The following AGBL4 variants were observed in gnomAD, a reference collection of about 807,000 sequenced individuals.
AGBL4 encodes the protein cytosolic carboxypeptidase 6.
AGBL4 carries 58 observed loss-of-function variants against 66.4 expected under a neutral mutation model. That is an observed-to-expected ratio of 0.87 (90% CI 0.71 to 1.09). The LOEUF (loss-of-function observed/expected upper bound fraction) is 1.09, where lower values mean the gene tolerates loss of function less well. Among genes scored for constraint, AGBL4 ranks in the 50% least tolerant of loss-of-function variants. The probability of loss-of-function intolerance (pLI) is 0.00; values close to 1 mark genes in which losing one functional copy is unlikely to be tolerated. For synonymous variants in AGBL4, 234 were observed against 222.9 expected (o/e 1.05, Z -0.44); for missense variants, 579 against 631.0 (o/e 0.92, Z 0.88).
chr1:49,053,731 G>A (rs954896862), intron 4 of AGBL4, among the ~76,000 whole-genome samples: 2 of 151,922 alleles, frequency 1.3e-5, no homozygotes, highest in Admixed American at 6.6e-5. Flanking sequence ...CCTTTTATCC[G>A]CAATGAGCTC....
chr1:49,830,942 C>A (rs146563956), intron 2 of AGBL4, among the ~76,000 whole-genome samples: 2 of 152,034 alleles, frequency 1.3e-5, no homozygotes, highest in East Asian at 3.9e-4. Flanking sequence ...ATTTCTGAGG[C>A]CTCTGTTCTG....
chr1:49,588,372 A>G (rs998903515), intron 3 of AGBL4, among the ~76,000 whole-genome samples: 3 of 152,204 alleles, frequency 2.0e-5, no homozygotes, highest in African/African-American at 7.2e-5. Flanking sequence ...AATCCGTCTC[A>G]TTCATTGTTG....
intron 3 of AGBL4, among the ~76,000 whole-genome samples, chr1:49,327,447 T>C (rs1345648676): frequency 2.0e-5 from 3 of 152,192 alleles, no homozygotes; most frequent in Non-Finnish European, 4.4e-5. Context: ...AATCAGAGAC[T>C]GGGTAATTTA....
chr1:48,671,515 T>C (rs1444228007), intron 6 of AGBL4, among the ~76,000 whole-genome samples: 3 of 152,240 alleles, frequency 2.0e-5, no homozygotes, highest in African/African-American at 7.2e-5. Flanking sequence ...GGTACGTATG[T>C]GACTTTGAGC....
At chr1:49,745,868 A>T (rs1040328069) in intron 2 of AGBL4, among the ~76,000 whole-genome samples, 5 of 151,966 alleles carry the variant, frequency 3.3e-5, no homozygotes, top group African/African-American at 1.2e-4. Flanking sequence ...AAACAACAAA[A>T]AAACCCAACT....
chr1:49,516,064 G>GCCC (rs201715072), intron 3 of AGBL4, among the ~76,000 whole-genome samples: 22 of 146,312 alleles, frequency 1.5e-4, no homozygotes, highest in African/African-American at 5.5e-4. Context: ...AATCAAGACT[G>GCCC]CCCCCCCCCA....
chr1:49,476,645 A>G (rs1379439017), intron 3 of AGBL4, among the ~76,000 whole-genome samples: 1 of 152,090 alleles, frequency 6.6e-6, no homozygotes, highest in African/African-American at 2.4e-5. Context: ...TGAACACATT[A>G]TCATTATATA....
intron 6 of AGBL4, among the ~76,000 whole-genome samples, chr1:48,724,181 CCT>C (rs369692105): frequency 1.1e-4 from 17 of 152,148 alleles, no homozygotes; most frequent in Non-Finnish European, 2.1e-4. Flanking sequence ...CCATTTAGCC[CCT>C]CTCTTGGGGG....
chr1:49,623,832 T>C (rs534778517), intron 3 of AGBL4, among the ~76,000 whole-genome samples: 1 of 152,326 alleles, frequency 6.6e-6, no homozygotes, highest in East Asian at 1.9e-4. Flanking sequence ...AAGTACAGCA[T>C]AATGGTTAAA....
intron 1 of AGBL4, among the ~76,000 whole-genome samples, chr1:49,985,585 A>G (rs1659433543): frequency 6.6e-6 from 1 of 152,208 alleles, no homozygotes; most frequent in African/African-American, 2.4e-5. Flanking sequence ...GAGATGGTTA[A>G]GAATGCTTAC....
At chr1:50,008,134 T>C (rs1000125337) in intron 1 of AGBL4, among the ~76,000 whole-genome samples, 1 of 152,144 alleles carries the variant, frequency 6.6e-6, no homozygotes, top group Non-Finnish European at 1.5e-5. Context: ...ATACAGAACA[T>C]CAACAGATGC....
At chr1:49,304,455 A>C (rs1431273726) in intron 3 of AGBL4, among the ~76,000 whole-genome samples, 2 of 152,150 alleles carry the variant, frequency 1.3e-5, no homozygotes, top group East Asian at 3.9e-4. Context: ...AATATGAGCT[A>C]TTTAGCCAGA....
chr1:48,908,058 C>G (rs1202474961), intron 5 of AGBL4, among the ~76,000 whole-genome samples: 4 of 152,154 alleles, frequency 2.6e-5, no homozygotes, highest in Admixed American at 2.0e-4. Flanking sequence ...CTCCTTCTTT[C>G]TGCTTCCTCC....
intron 4 of AGBL4, among the ~76,000 whole-genome samples, chr1:49,152,835 A>T (rs1646363645): frequency 6.6e-6 from 1 of 152,210 alleles, no homozygotes; most frequent in East Asian, 1.9e-4. Flanking sequence ...GGGTTTAAAA[A>T]ATAAATATAA....
At chr1:49,938,182 G>A (rs1311854685) in intron 1 of AGBL4, among the ~76,000 whole-genome samples, 2 of 151,984 alleles carry the variant, frequency 1.3e-5, no homozygotes, top group Admixed American at 1.3e-4. Flanking sequence ...CAATCCCACA[G>A]AAATACAAAC....
chr1:49,104,601 G>A (rs530700025), intron 4 of AGBL4, among the ~76,000 whole-genome samples: 2 of 152,246 alleles, frequency 1.3e-5, no homozygotes, highest in African/African-American at 4.8e-5. Context: ...AACCTTGGCA[G>A]ATCTGGGATT....
chr1:49,907,709 T>C (rs1650413720), intron 1 of AGBL4, among the ~76,000 whole-genome samples: 1 of 152,110 alleles, frequency 6.6e-6, no homozygotes, highest in Non-Finnish European at 1.5e-5. Context: ...TCAAGGGCAG[T>C]GAAAAATGCT....
intron 3 of AGBL4, among the ~76,000 whole-genome samples, chr1:49,466,110 A>G (rs1024884991): frequency 2.0e-5 from 3 of 151,846 alleles, no homozygotes; most frequent in Non-Finnish European, 4.4e-5. Context: ...TATTGGATCA[A>G]TAGTGGCTTT....
chr1:49,163,680 C>T (rs566605013), intron 4 of AGBL4, among the ~76,000 whole-genome samples: 2 of 152,182 alleles, frequency 1.3e-5, no homozygotes, highest in African/African-American at 4.8e-5. Flanking sequence ...ATCAATCACA[C>T]ATTATAACTA....
Sources: allele counts gnomAD v4.1 joint callset (sites outside exome capture counted in the v4.1 genomes callset), GRCh38; gene constraint gnomAD v4.1.1; transcripts MANE v1.5; gene names NCBI Gene and HGNC (gene_info 2026-07-23, HGNC 2026-07-21).